Variants in CEP97 observed in about 807,000 individuals in gnomAD.
CEP97 encodes centrosomal protein 97.
A neutral mutation model predicts 73.1 loss-of-function variants in CEP97; 43 were observed. The observed-to-expected ratio is 0.59, with a 90% confidence interval of 0.46 to 0.76. CEP97 has a LOEUF of 0.76. Among genes scored for constraint, CEP97 ranks in the 30% least tolerant of loss-of-function variants. The probability of loss-of-function intolerance (pLI) is 0.00; values close to 1 mark genes in which losing one functional copy is unlikely to be tolerated. For synonymous variants in CEP97, 337 were observed against 370.0 expected, an observed-to-expected ratio of 0.91 and a Z score of 1.02; for missense variants, 939 against 1,014.0, an observed-to-expected ratio of 0.93 and a Z score of 1.00.
chr3:101,724,784 C>T, intron 1 of CEP97, 65 bp downstream of exon 1: 1 of 1,537,604 alleles, frequency 6.5e-7, no homozygotes. Flanking sequence ...TAGTGGAGAG[C>T]AGAAAACCTA....
At chr3:101,736,057 C>A (rs548227893) in intron 6 of CEP97, among the ~76,000 whole-genome samples, 4 of 152,314 alleles carry the variant, frequency 2.6e-5, no homozygotes, top group African/African-American at 9.6e-5. Flanking sequence ...GTTTTCCCCT[C>A]ACAGTGTAAA....
At chr3:101,751,873 C>T (rs577139615) in intron 6 of CEP97, among the ~76,000 whole-genome samples, 80 of 152,128 alleles carry the variant, frequency 5.3e-4, no homozygotes, top group Admixed American at 1.6e-3. Flanking sequence ...TCCAATTTGC[C>T]AGTCTGTGTC....
intron 6 of CEP97, among the ~76,000 whole-genome samples, chr3:101,740,731 A>G (rs1189556724): frequency 6.6e-6 from 1 of 152,124 alleles, no homozygotes; most frequent in African/African-American, 2.4e-5. Flanking sequence ...CTGGGATTAC[A>G]GGCATGCGCC....
In CEP97 at chr3:101,727,402, G is replaced by T; in HGVS notation, c.206G>T (p.Arg69Leu). 6.2e-7 allele frequency: 1 copy of T among 1,612,834 alleles called. No homozygotes were observed. ...RLIQLSVANN[R>L]LVRMMGVAKL... The stretch of plus-strand genomic sequence containing the variant: ...TTACAGTTATCAGTAGCTAATAATC[G>T]GCTGGTTCGGATGATGGGTGTGGCC... The change falls in exon 3 of 11, where the codon CGG becomes CTG. Residue 69 changes from arginine (R) to leucine (L), a missense_variant. Arg to Leu is a moderately radical substitution (Grantham distance 102, BLOSUM62 -2). Transcript: ENST00000341893.
chr3:101,758,065 C>T lies in CEP97; in HGVS notation c.1459C>T (p.Pro487Ser), dbSNP rs746506760. Residue 487 changes from proline to serine, a missense_variant, in exon 9 of 11, where the codon CCA (proline) becomes TCA (serine). Transcript: ENST00000341893. ...AGCTGGACTATTACCTTGTCCTGAG[C>T]CAACAATAATCAGTGCTATCTTGAA... Reference protein sequence around the residue: ...EKAGLLPCPEPTIISAILKDD... With the variant: ...EKAGLLPCPESTIISAILKDD... 3 of 1,614,156 alleles carry T rather than the reference C, an allele frequency of 1.9e-6. No homozygotes were observed. Among genetic ancestry groups the T allele is most frequent in the Non-Finnish European group, 2.5e-6 (3 of 1,180,032 alleles).
At chr3:101,756,403 A>C (rs1272137020) in intron 7 of CEP97, among the ~76,000 whole-genome samples, 8 of 127,570 alleles carry the variant, frequency 6.3e-5, no homozygotes, top group Admixed American at 5.7e-4. Flanking sequence ...TCACTTTGTC[A>C]CCCAGGTTGG....
At chr3:101,735,478 C>T (rs1445300340) in intron 6 of CEP97, among the ~76,000 whole-genome samples, 1 of 152,152 alleles carries the variant, frequency 6.6e-6, no homozygotes, top group Non-Finnish European at 1.5e-5. Flanking sequence ...GTGATTTCTA[C>T]ATTTCCACCT....
chr3:101,758,221 A>G lies in CEP97; in HGVS notation c.1615A>G (p.Met539Val), dbSNP rs780520620. The change falls in exon 9 of 11, where the codon ATG becomes GTG. Residue 539 changes from methionine to valine, a missense_variant. Physicochemically the swap from Met to Val is conservative, Grantham distance 21. Coordinates refer to ENST00000341893, the MANE Select transcript of CEP97 (RefSeq NM_024548.4). ...ISQATSEKLP[M>V]ILTQRSVALG... Reference sequence around the variant, plus strand: ...TCAAGCAACTTCAGAGAAACTTCCCATGATTTTAACCCAGAGATCTGTTGC... The same window carrying G: ...TCAAGCAACTTCAGAGAAACTTCCCGTGATTTTAACCCAGAGATCTGTTGC... 1.2e-5 allele frequency: 19 copies of G among 1,614,218 alleles called. No homozygotes were observed. The highest frequency in any genetic ancestry group is 4.4e-5 in the South Asian group (4 of 91,084).
At chr3:101,762,831 C>T (rs1464760263) in intron 10 of CEP97, among the ~76,000 whole-genome samples, 1 of 152,160 alleles carries the variant, frequency 6.6e-6, no homozygotes, top group Admixed American at 6.6e-5. Flanking sequence ...TTAGAGCTTT[C>T]CAATAGATAC....
At chr3:101,759,370 A>G (rs928591116) in intron 9 of CEP97, 12 of 152,342 alleles carry the variant, frequency 7.9e-5, no homozygotes, top group Admixed American at 7.8e-4. Flanking sequence ...GATAACACAT[A>G]TGAAGTATTG....
At chr3:101,727,292 T>C in intron 2 of CEP97, 91 bp from the exon 3 acceptor site, 1 of 1,024,990 alleles carries the variant, frequency 9.8e-7, no homozygotes, top group East Asian at 2.6e-5. Flanking sequence ...TGAGAGTGTT[T>C]GGCTGTCTAA....
In CEP97 at chr3:101,764,707, C is replaced by T. The variant is rs914909361; in HGVS notation, c.1894-140C>T. ...GTGGGGTGGGAGGATCACTTGAGCC[C>T]AGGAGGTTGATGCTGCAGTGAGCCA... On this transcript the variant is annotated intron_variant, in intron 10 of 10. Transcript: ENST00000341893. The T allele has an allele frequency of 2.6e-5, 17 of 645,186 alleles. No individual in the cohort carries two copies. In the African/African-American group the frequency reaches 3.2e-4, roughly 12 times the overall value. 40.0% of individuals were successfully genotyped at this position (645,186 alleles called of 1,614,324 possible). A position where few individuals can be genotyped will look rare whatever the true frequency, so the allele number is the denominator to read the frequency against.
chr3:101,734,192 T>C (rs1273153661), intron 6 of CEP97, among the ~76,000 whole-genome samples: 1 of 152,202 alleles, frequency 6.6e-6, no homozygotes, highest in East Asian at 1.9e-4. Flanking sequence ...AAATCATTAA[T>C]AGTTTCTGTG....
chr3:101,769,064 A>G lies in CEP97; in HGVS notation c.*3513A>G, dbSNP rs1193373741. The G allele has an allele frequency of 6.6e-6, 1 of 152,134 alleles. No individual in the cohort carries two copies. The highest frequency in any genetic ancestry group is 2.4e-5 in the African/African-American group (1 of 41,428). 9.4% of individuals were successfully genotyped at this position (152,134 alleles called of 1,614,324 possible). On this transcript the variant is annotated 3_prime_UTR_variant, in exon 11 of 11. Coordinates refer to ENST00000341893, the MANE Select transcript of CEP97 (RefSeq NM_024548.4). ...GTTTTGGATTATTTTTTGTATACAA[A>G]CACCATAATACTGTATTTTCCTGTT...
chr3:101,748,249 T>A (rs893360582), intron 6 of CEP97, among the ~76,000 whole-genome samples: 26 of 152,002 alleles, frequency 1.7e-4, no homozygotes, highest in Non-Finnish European at 2.8e-4. Flanking sequence ...GTTTTTTTTT[T>A]ACGTAGGATT....
chr3:101,749,839 G>C (rs1168004104), intron 6 of CEP97, among the ~76,000 whole-genome samples: 4 of 131,510 alleles, frequency 3.0e-5, no homozygotes, highest in Non-Finnish European at 6.6e-5. Context: ...TTTTGATGGG[G>C]TTGTTTGTTT....
intron 6 of CEP97, among the ~76,000 whole-genome samples, chr3:101,748,092 A>G (rs910087348): frequency 1.5e-5 from 2 of 133,244 alleles, no homozygotes; most frequent in Non-Finnish European, 3.1e-5. Flanking sequence ...TGATAGTGCC[A>G]TTGCACTCCA....
At chr3:101,737,211 GT>G (rs1438525803) in intron 6 of CEP97, among the ~76,000 whole-genome samples, 1 of 152,132 alleles carries the variant, frequency 6.6e-6, no homozygotes, top group Non-Finnish European at 1.5e-5. Flanking sequence ...CAAACTTAAC[GT>G]TTTATTGGTG....
At chr3:101,749,364 T>G (rs898422310) in intron 6 of CEP97, among the ~76,000 whole-genome samples, 1 of 146,794 alleles carries the variant, frequency 6.8e-6, no homozygotes, top group African/African-American at 2.5e-5. Flanking sequence ...ATGGTGTATA[T>G]GTGCCACATT....
Sources: gnomAD v4.1 joint callset for allele counts (sites outside exome capture counted in the v4.1 genomes callset) on GRCh38, gnomAD v4.1.1 for gene constraint, MANE v1.5 for transcripts, NCBI Gene and HGNC (gene_info 2026-07-23, HGNC 2026-07-21) for gene names.